Variants in RYR2 observed in about 807,000 individuals in gnomAD.
The protein encoded by RYR2 is cardiac muscle ryanodine receptor-calcium release channel.
Under a neutral mutation model 601.1 loss-of-function variants are expected in RYR2, and 227 were observed. The ratio of observed to expected loss-of-function variants is 0.38; its 90% confidence interval spans 0.34 to 0.42. The LOEUF (loss-of-function observed/expected upper bound fraction) is 0.42. RYR2 is among the 10% of genes least tolerant of loss of function. The pLI, the probability that RYR2 is intolerant of heterozygous loss-of-function variation, is 1.00. For synonymous variants in RYR2, 2,223 were observed against 2,175.1 expected, an observed-to-expected ratio of 1.02 and a Z score of -0.61; for missense variants, 4,646 against 6,156.5, an observed-to-expected ratio of 0.75 and a Z score of 8.21.
Position 237,634,163 on chromosome 1 carries a change from A to G in RYR2, c.6688+453A>G, listed in dbSNP as rs192073213. ...ATGTCGAAGAGATACGTGTACTTCC[A>G]TGGTCATTGCAGCATTATTCACAAT... is the stretch of plus-strand genomic sequence containing the variant. On this transcript the variant is annotated intron_variant, in intron 43 of 104. Coordinates refer to ENST00000366574, the MANE Select transcript of RYR2 (RefSeq NM_001035.3). 9.1e-4 allele frequency among the ~76,000 whole-genome samples: 138 copies of G among 152,348 alleles called. 1 individual carries two copies. The highest frequency in any genetic ancestry group is 2.2e-4 in the Non-Finnish European group (15 of 68,034).
intron 74 of RYR2, among the ~76,000 whole-genome samples, chr1:237,724,184 C>T (rs1040137629): frequency 5.1e-5 from 7 of 136,998 alleles, no homozygotes; most frequent in African/African-American, 8.3e-5. Context: ...TGTGTGTGTG[C>T]ATATATATAT....
chr1:237,191,885 A>G (rs1204771480), intron 1 of RYR2, among the ~76,000 whole-genome samples: 2 of 152,164 alleles, frequency 1.3e-5, no homozygotes, highest in Non-Finnish European at 2.9e-5. Flanking sequence ...CTTGCCAAAT[A>G]ATATTTGCTA....
At chr1:237,710,842 C>A (rs1244763768) in intron 70 of RYR2, among the ~76,000 whole-genome samples, 1 of 152,062 alleles carries the variant, frequency 6.6e-6, no homozygotes, top group Non-Finnish European at 1.5e-5. Flanking sequence ...TAAATACATA[C>A]ATGAATGAAT....
chr1:237,705,295 CATA>C lies in RYR2; in HGVS notation c.9536_9538del (p.Asn3179del). 6.2e-7 allele frequency: 1 copy of C among 1,604,190 alleles called. No homozygotes were observed. Among genetic ancestry groups the C allele is most frequent in the East Asian group, 2.2e-5 (1 of 44,708 alleles). On this transcript the variant is annotated inframe_deletion, in exon 67 of 105. Transcript: ENST00000366574. ...ATTTTTGGAAACTCATCTGGACAAA[CATA>C]ATATTTACTCCATCTACAATACCAA...
intron 29 of RYR2, among the ~76,000 whole-genome samples, chr1:237,588,658 C>A (rs2148422509): frequency 6.6e-6 from 1 of 152,198 alleles, no homozygotes; most frequent in East Asian, 1.9e-4. Flanking sequence ...CATGGTGAAA[C>A]CCTATCTCTA....
chr1:237,267,139 C>T (rs1689152248), intron 1 of RYR2, among the ~76,000 whole-genome samples: 2 of 152,148 alleles, frequency 1.3e-5, no homozygotes, highest in South Asian at 4.1e-4. Context: ...TCTGATTTGT[C>T]CAAAGTGCAC....
At chr1:237,361,852 G>A (rs1008206211) in intron 4 of RYR2, among the ~76,000 whole-genome samples, 1 of 152,084 alleles carries the variant, frequency 6.6e-6, no homozygotes, top group African/African-American at 2.4e-5. Flanking sequence ...TCCAGTATTT[G>A]TTAGCAATTT....
At position 237,654,404 on chromosome 1, in the gene RYR2, T is replaced by C. The variant is rs748531950; in HGVS notation, c.7955T>C (p.Leu2652Pro). The C allele has an allele frequency of 5.0e-6, 8 of 1,613,896 alleles. No homozygotes were observed. The South Asian group carries it at 8.8e-5, about 18-fold the overall frequency. The change falls in exon 52 of 105, where the codon CTG becomes CCG. Residue 2652 changes from leucine to proline, a missense_variant. Around this residue, in one of 17 missense-constraint regions of RYR2, gnomAD observed 1,497 missense variants for 1,842.6 expected, o/e 0.81. Coordinates refer to ENST00000366574, the MANE Select transcript of RYR2 (RefSeq NM_001035.3). ...RKLFWGIFDA[L>P]SQKKYEQELF... is the part of the protein sequence containing the mutation. Reference sequence around the variant, plus strand: ...TTGTTCTGGGGCATTTTTGATGCCCTGTCTCAAAAGGTAATTTAATGGTTT... The same window carrying C: ...TTGTTCTGGGGCATTTTTGATGCCCCGTCTCAAAAGGTAATTTAATGGTTT...
intron 1 of RYR2, among the ~76,000 whole-genome samples, chr1:237,115,594 T>G (rs1202318609): frequency 6.6e-6 from 1 of 152,198 alleles, no homozygotes; most frequent in East Asian, 1.9e-4. Flanking sequence ...TGATTTTAGT[T>G]ATAATTACTA....
At chr1:237,558,091 C>T (rs1343547627) in intron 27 of RYR2, among the ~76,000 whole-genome samples, 3 of 152,080 alleles carry the variant, frequency 2.0e-5, no homozygotes, top group Non-Finnish European at 4.4e-5. Flanking sequence ...GCTGTGGTCT[C>T]TGAGAAGGTT....
At position 237,658,304 on chromosome 1, in the gene RYR2, TA is replaced by T. The variant is rs5781979; in HGVS notation, c.8208+288del. 0.63 allele frequency among the ~76,000 whole-genome samples: 95,207 copies of T among 151,942 alleles called. 31,727 individuals carry two copies. The highest frequency in any genetic ancestry group is 0.75 in the Non-Finnish European group (51,181 of 67,972). On this transcript the variant is annotated intron_variant, in intron 54 of 104. Coordinates refer to ENST00000366574, the MANE Select transcript of RYR2 (RefSeq NM_001035.3). ...CTATAACATATATTGTTTATCAGAG[TA>T]AAAAAGCAACAATCACCAAGAGCTT...
intron 84 of RYR2, among the ~76,000 whole-genome samples, chr1:237,769,666 T>G (rs1694114066): frequency 6.6e-6 from 1 of 152,170 alleles, no homozygotes; most frequent in African/African-American, 2.4e-5. Context: ...TAATTTCACT[T>G]AAAGTAAACA....
chr1:237,617,260 T>A (rs779821854), intron 37 of RYR2, 26 bp from the exon 38 acceptor site: 25 of 1,564,820 alleles, frequency 1.6e-5, no homozygotes, highest in Non-Finnish European at 2.0e-5. Flanking sequence ...GAAATTAAAT[T>A]TGGTGTCTTT....
At chr1:237,773,699 A>G in intron 87 of RYR2, 51 bp downstream of exon 87, 1 of 1,524,052 alleles carries the variant, frequency 6.6e-7, no homozygotes, top group Non-Finnish European at 9.0e-7. Flanking sequence ...CCATAGAAAA[A>G]TGCAGTATAT....
chr1:237,188,170 G>A (rs536949709), intron 1 of RYR2, among the ~76,000 whole-genome samples: 11 of 152,210 alleles, frequency 7.2e-5, no homozygotes, highest in African/African-American at 2.4e-4. Flanking sequence ...GAATTAGTAT[G>A]TTACAGCTGT....
chr1:237,170,529 C>A (rs773814865), intron 1 of RYR2, among the ~76,000 whole-genome samples: 3 of 152,148 alleles, frequency 2.0e-5, no homozygotes, highest in African/African-American at 7.2e-5. Context: ...TACGACTAAG[C>A]GGAAACAGCT....
chr1:237,124,656 C>T (rs951893445), intron 1 of RYR2, among the ~76,000 whole-genome samples: 1 of 152,198 alleles, frequency 6.6e-6, no homozygotes, highest in African/African-American at 2.4e-5. Flanking sequence ...GAGTCTTTCT[C>T]ACATCCTATC....
intron 1 of RYR2, among the ~76,000 whole-genome samples, chr1:237,137,811 A>T (rs922525294): frequency 2.6e-5 from 4 of 152,186 alleles, no homozygotes; most frequent in Non-Finnish European, 5.9e-5. Flanking sequence ...AACCTTTCTT[A>T]TTATGAAATG....
At chr1:237,318,404 C>T (rs961483513) in intron 2 of RYR2, among the ~76,000 whole-genome samples, 8 of 152,030 alleles carry the variant, frequency 5.3e-5, no homozygotes, top group African/African-American at 1.9e-4. Context: ...AAAATTTTTA[C>T]AGTCTTTTAT....
Sources: allele counts gnomAD v4.1 joint callset (sites outside exome capture counted in the v4.1 genomes callset), GRCh38; gene constraint gnomAD v4.1.1; regional missense constraint gnomAD v4.1.1; transcripts MANE v1.5; gene names NCBI Gene and HGNC (gene_info 2026-07-23, HGNC 2026-07-21).